The following CCDC181 variants were observed in gnomAD, a reference collection of about 807,000 sequenced individuals.
CCDC181 encodes the protein coiled-coil domain containing 181.
CCDC181 carries 35 observed loss-of-function variants against 58.7 expected under a neutral mutation model. The observed-to-expected ratio is 0.60, with a 90% CI of 0.46 to 0.79. The LOEUF is 0.79. CCDC181 is among the 30% of genes least tolerant of loss of function. The pLI is 0.00. For synonymous variants in CCDC181, 183 were observed against 197.5 expected (o/e 0.93, Z 0.62); for missense variants, 517 against 583.9 (o/e 0.89, Z 1.18).
exon 1 of CCDC181, chr1:169,460,276 T>C (rs1657807022): frequency 6.6e-6 from 1 of 152,312 alleles, no homozygotes; most frequent in African/African-American, 2.4e-5. Context: ...TTCCTTCATC[T>C]TGTGGTTTGG....
At chr1:169,395,401 TG>T (rs1400603833) in intron 5 of CCDC181, among the ~76,000 whole-genome samples, 195 bp from the exon 6 acceptor site, 1 of 152,242 alleles carries the variant, frequency 6.6e-6, no homozygotes, top group East Asian at 1.9e-4. Flanking sequence ...CCGTTAGATT[TG>T]GGGTCAAATG....
At chr1:169,402,985 A>C (rs1253230639) in intron 4 of CCDC181, among the ~76,000 whole-genome samples, 1 of 147,638 alleles carries the variant, frequency 6.8e-6, no homozygotes, top group African/African-American at 2.5e-5. Context: ...AAACAAACAA[A>C]AAAAAAAAAA....
At chr1:169,411,632 C>T (rs548629116) in intron 4 of CCDC181, among the ~76,000 whole-genome samples, 23 of 152,220 alleles carry the variant, frequency 1.5e-4, no homozygotes, top group Admixed American at 2.6e-4. Flanking sequence ...TGTGAAAATT[C>T]GCAATAAAAT....
Position 169,446,173 on chromosome 1 carries a change from C to T in CCDC181, c.-24+13624G>A, listed in dbSNP as rs535347229. ...TAAACTGACCTTCTTAGGCCGGGTG[C>T]GGTGGCTCACACCTATAATCCCAGC... On this transcript the variant is annotated intron_variant, in intron 2 of 6. Transcript: ENST00000545005. Among the ~76,000 whole-genome samples the T allele has an allele frequency of 3.9e-5, 6 of 152,130 alleles. 1 individual carries two copies. The highest frequency in any genetic ancestry group is 4.1e-4 in the South Asian group (2 of 4,826).
In CCDC181 at chr1:169,395,056, A is replaced by G. The variant is rs1235023072; in HGVS notation, c.1521T>C (p.His507=). Residue 507 remains histidine (H), a synonymous_variant, in exon 6 of 6, where the codon CAT becomes CAC. Coordinates refer to ENST00000367806, the MANE Select transcript of CCDC181 (RefSeq NM_001300969.2). The stretch of plus-strand genomic sequence containing the variant: ...TATTTAATAGAAACTTTCAGTTATA[A>G]TGATCAGTAAAACGAAAAGGTTTGG... The part of the protein sequence containing the change: ...SEAKPFRFTD[H]YN The G allele has an allele frequency of 1.9e-6, 3 of 1,591,058 alleles. No individual in the cohort carries two copies. The highest frequency in any genetic ancestry group is 2.6e-6 in the Non-Finnish European group (3 of 1,172,388).
At chr1:169,397,945 G>A (rs1375141809) in intron 4 of CCDC181, among the ~76,000 whole-genome samples, 1 of 152,146 alleles carries the variant, frequency 6.6e-6, no homozygotes, top group Non-Finnish European at 1.5e-5. Context: ...TTGTGATTGA[G>A]CTTATATCTT....
intron 2 of CCDC181, among the ~76,000 whole-genome samples, chr1:169,454,149 C>T (rs1247827126): frequency 6.6e-6 from 1 of 151,994 alleles, no homozygotes; most frequent in East Asian, 1.9e-4. Context: ...AAGGCACAGC[C>T]TCCTTCTTTT....
intron 4 of CCDC181, among the ~76,000 whole-genome samples, chr1:169,410,929 G>A (rs891173173): frequency 2.0e-5 from 3 of 152,156 alleles, no homozygotes; most frequent in African/African-American, 7.2e-5. Flanking sequence ...ATGCCCACAG[G>A]AGAAAGCGGG....
At chr1:169,426,811 T>A (rs538468771) in intron 1 of CCDC181, among the ~76,000 whole-genome samples, 11 of 152,148 alleles carry the variant, frequency 7.2e-5, no homozygotes, top group Non-Finnish European at 1.3e-4. Flanking sequence ...TGTGATCCTA[T>A]AAGTAAGTTT....
chr1:169,429,074 C>T (rs1398692139), upstream of CCDC181, among the ~76,000 whole-genome samples: 1 of 152,188 alleles, frequency 6.6e-6, no homozygotes, highest in African/African-American at 2.4e-5. Flanking sequence ...TGAGTTACTT[C>T]ACTTAGAATA....
At chr1:169,459,315 A>C (rs1657769094) in intron 2 of CCDC181, among the ~76,000 whole-genome samples, 1 of 152,148 alleles carries the variant, frequency 6.6e-6, no homozygotes, top group South Asian at 2.1e-4. Context: ...AACTCTATCA[A>C]TGCAGAGGCT....
At chr1:169,454,142 G>A (rs1657623311) in intron 2 of CCDC181, among the ~76,000 whole-genome samples, 3 of 151,968 alleles carry the variant, frequency 2.0e-5, no homozygotes, top group African/African-American at 4.8e-5. Flanking sequence ...TCAGACAAAG[G>A]CACAGCCTCC....
intron 4 of CCDC181, among the ~76,000 whole-genome samples, chr1:169,411,093 C>T (rs947917824): frequency 6.6e-6 from 1 of 151,700 alleles, no homozygotes; most frequent in African/African-American, 2.4e-5. Flanking sequence ...AAAATCAATC[C>T]AGGAGCTGGT....
intron 2 of CCDC181, among the ~76,000 whole-genome samples, chr1:169,435,137 CAAAA>C (rs1286903673): frequency 6.6e-6 from 1 of 151,062 alleles, no homozygotes; most frequent in Non-Finnish European, 1.5e-5. Context: ...AAGTTTTAGA[CAAAA>C]AAAGGAATGA....
At chr1:169,459,904 G>GGAAAAAAAAAAAAA (rs1657794330) in intron 1 of CCDC181, 1 of 14,892 alleles carries the variant, frequency 6.7e-5, no homozygotes, top group Non-Finnish European at 2.2e-4. Context: ...TTTGAAATTA[G>GGAAAAAAAAAAAAA]GAAAAAAAAA....
intron 4 of CCDC181, among the ~76,000 whole-genome samples, chr1:169,401,623 G>A (rs1389131917): frequency 6.6e-6 from 1 of 152,166 alleles, no homozygotes. Flanking sequence ...AAACAGAAAG[G>A]ACATCCACAC....
intron 4 of CCDC181, among the ~76,000 whole-genome samples, chr1:169,405,143 C>T (rs960290512): frequency 2.6e-5 from 4 of 152,254 alleles, no homozygotes; most frequent in African/African-American, 4.8e-5. Context: ...CAAACCACTG[C>T]TCAATGAAAT....
At chr1:169,397,971 G>C (rs1655140747) in intron 4 of CCDC181, among the ~76,000 whole-genome samples, 1 of 152,092 alleles carries the variant, frequency 6.6e-6, no homozygotes, top group Non-Finnish European at 1.5e-5. Flanking sequence ...TCCCTCATCT[G>C]TTGCCTATAT....
intron 1 of CCDC181, 122 bp from the exon 2 acceptor site, chr1:169,425,072 TG>T: frequency 2.2e-6 from 1 of 465,034 alleles, no homozygotes; most frequent in South Asian, 4.0e-5. Flanking sequence ...ATGTTCAAAA[TG>T]AACATGCACT....
Sources: allele counts gnomAD v4.1 joint callset (sites outside exome capture counted in the v4.1 genomes callset), GRCh38; gene constraint gnomAD v4.1.1; transcripts MANE v1.5; gene names NCBI Gene and HGNC (gene_info 2026-07-23, HGNC 2026-07-21).